IRAG1: variants seen among roughly 807,000 people sequenced by gnomAD.
IRAG1 encodes IP3R-associated cGMP kinase substrate.
A neutral mutation model predicts 106.2 loss-of-function variants in IRAG1; 62 were observed. The ratio of observed to expected loss-of-function variants is 0.58; its 90% CI spans 0.48 to 0.72. IRAG1 has a LOEUF of 0.72. Ranked by LOEUF, IRAG1 falls within the 30% of genes least tolerant of loss-of-function variation. IRAG1 has a pLI of 0.00. For synonymous variants in IRAG1, 462 were observed against 443.9 expected (o/e 1.04, Z -0.51); for missense variants, 1,064 against 1,140.7 (o/e 0.93, Z 0.97).
rs766752155 is a variant in IRAG1 at position 10,634,021 on chromosome 11, C to A, written c.276G>T (p.Leu92=). 31 of 1,612,628 alleles carry A rather than the reference C, an allele frequency of 1.9e-5. No homozygotes were observed. Among genetic ancestry groups the A allele is most frequent in the Non-Finnish European group, 2.5e-5 (30 of 1,179,296 alleles). ...CTTCTGGTGAAGTGGCATCCCCAGT[C>A]AGGACAATCGTGGGAGTTGGACTGC... ...VSCSPTPTIV[L]TGDATSPEGE... The change falls in exon 3 of 21, where the codon CTG becomes CTT. Residue 92 remains leucine (L), a synonymous_variant. Coordinates refer to ENST00000423302, the MANE Select transcript of IRAG1 (RefSeq NM_130385.4).
intron 2 of IRAG1, among the ~76,000 whole-genome samples, chr11:10,637,030 G>T (rs1857196870): frequency 6.6e-6 from 1 of 152,202 alleles, no homozygotes; most frequent in Non-Finnish European, 1.5e-5. Flanking sequence ...AATGAGTTTG[G>T]TCTTTATGGT....
chr11:10,611,071 A>G (rs1336451515), intron 10 of IRAG1, among the ~76,000 whole-genome samples: 1 of 152,188 alleles, frequency 6.6e-6, no homozygotes, highest in Non-Finnish European at 1.5e-5. Context: ...GACCATGAAG[A>G]GACAAGAGGC....
chr11:10,688,063 T>G (rs1861794808), intron 1 of IRAG1, among the ~76,000 whole-genome samples: 1 of 151,294 alleles, frequency 6.6e-6, no homozygotes. Flanking sequence ...GATGCTGAAC[T>G]GGGTAAATAT....
chr11:10,635,910 A>C lies in IRAG1; in HGVS notation c.226-1839T>G, dbSNP rs181716072. 7.6e-3 allele frequency among the ~76,000 whole-genome samples: 1,107 copies of C among 146,316 alleles called. 5 individuals carry two copies. Among genetic ancestry groups the C allele is most frequent in the African/African-American group, 0.029 (1,054 of 36,258 alleles). On this transcript the variant is annotated intron_variant, in intron 2 of 20. Transcript: ENST00000423302. ...GGCTCTGTGTTCTTATCCGGGAGCG[A>C]TTCAGTGCAGAAAGCTACAGTGGCT...
At chr11:10,618,896 C>T (rs1408888445) in intron 10 of IRAG1, among the ~76,000 whole-genome samples, 1 of 152,128 alleles carries the variant, frequency 6.6e-6, no homozygotes, top group African/African-American at 2.4e-5. Context: ...GATGCTGAAA[C>T]AGATTTGCCT....
chr11:10,645,746 G>A (rs1479860028), intron 2 of IRAG1, among the ~76,000 whole-genome samples: 1 of 152,190 alleles, frequency 6.6e-6, no homozygotes, highest in Non-Finnish European at 1.5e-5. Flanking sequence ...AAGTCAAGCT[G>A]CCTGGGTTTG....
At chr11:10,664,756 C>A (rs992570928) in intron 1 of IRAG1, among the ~76,000 whole-genome samples, 38 of 152,182 alleles carry the variant, frequency 2.5e-4, no homozygotes, top group African/African-American at 8.9e-4. Context: ...CATTACTGGG[C>A]ATCCTGGGAA....
intron 3 of IRAG1, among the ~76,000 whole-genome samples, chr11:10,633,518 G>A (rs1392670732): frequency 6.6e-6 from 1 of 152,178 alleles, no homozygotes; most frequent in East Asian, 1.9e-4. Flanking sequence ...TATTTCACAC[G>A]TTTTGGCCAG....
At chr11:10,658,863 C>G (rs1180406129) in intron 1 of IRAG1, among the ~76,000 whole-genome samples, 1 of 116,932 alleles carries the variant, frequency 8.6e-6, no homozygotes. Context: ...ATGTCTGTGC[C>G]GTGCTCAGTC....
intron 14 of IRAG1, among the ~76,000 whole-genome samples, chr11:10,602,738 A>G (rs1854138229): frequency 6.6e-6 from 1 of 152,168 alleles, no homozygotes; most frequent in Non-Finnish European, 1.5e-5. Flanking sequence ...ATTTTTTGAG[A>G]AAAATAAAAT....
intron 18 of IRAG1, among the ~76,000 whole-genome samples, chr11:10,583,559 G>A (rs1851607873): frequency 6.6e-6 from 1 of 152,152 alleles, no homozygotes; most frequent in African/African-American, 2.4e-5. Flanking sequence ...AAGAAGGGGA[G>A]GTTGGAAAGG....
chr11:10,685,774 T>G (rs1158427166), intron 1 of IRAG1, among the ~76,000 whole-genome samples: 1 of 151,808 alleles, frequency 6.6e-6, no homozygotes, highest in East Asian at 1.9e-4. Flanking sequence ...TGAGTTTGAT[T>G]ATTGTGAGTC....
In IRAG1 at chr11:10,626,025, T is replaced by C; in HGVS notation, c.1309A>G (p.Lys437Glu). 1 of 1,509,554 alleles carries C rather than the reference T, an allele frequency of 6.6e-7. No individual in the cohort carries two copies. Among genetic ancestry groups the C allele is most frequent in the Non-Finnish European group, 8.9e-7 (1 of 1,128,968 alleles). The allele number at this position is 1,509,554 out of a possible 1,614,324, so 93.5% of individuals were successfully genotyped here. A position where few individuals can be genotyped will look rare whatever the true frequency, so the allele number is the denominator to read the frequency against. The change falls in exon 9 of 21, where the codon AAA becomes GAA. Residue 437 changes from lysine (K) to glutamate (E), a missense_variant. Physicochemically the swap from Lys to Glu is moderately conservative, Grantham distance 56. Coordinates refer to ENST00000423302, the MANE Select transcript of IRAG1 (RefSeq NM_130385.4). ...GGCTGCACTTGTATCTGAAAGTCTT[T>C]GAGACCAGGGGCCTTGGCCAGCTTG... Reference protein sequence around the residue: ...GGKLAKAPGLKDFQIQVQPVR... With the variant: ...GGKLAKAPGLEDFQIQVQPVR...
chr11:10,620,913 T>C (rs1855788473), intron 10 of IRAG1, among the ~76,000 whole-genome samples: 1 of 152,128 alleles, frequency 6.6e-6, no homozygotes, highest in Admixed American at 6.5e-5. Flanking sequence ...GATAGGTCAA[T>C]ACAAGAGGAA....
At chr11:10,600,506 A>G (rs1036626976) in intron 15 of IRAG1, among the ~76,000 whole-genome samples, 3 of 152,208 alleles carry the variant, frequency 2.0e-5, no homozygotes, top group Admixed American at 6.5e-5. Flanking sequence ...CTTGATTAAA[A>G]TCATTGGCTG....
At chr11:10,609,588 G>T in intron 11 of IRAG1, 140 bp downstream of exon 11, 1 of 982,494 alleles carries the variant, frequency 1.0e-6, no homozygotes, top group Non-Finnish European at 1.5e-6. Flanking sequence ...TGTTTCGAAT[G>T]CATTATCCCT....
rs201978249 is a variant in IRAG1, at chr11:10,678,011, G to A, written c.67+15525C>T. On this transcript the variant is annotated intron_variant, in intron 1 of 20. Transcript: ENST00000423302. The stretch of plus-strand genomic sequence containing the variant: ...TCCATCATTATCTATCTCTCTATCT[G>A]TCTATCTATCTATCTATCTATCATC... Among the ~76,000 whole-genome samples, 133 of 142,174 alleles carry A rather than the reference G, an allele frequency of 9.4e-4. 1 individual carries two copies. The highest frequency in any genetic ancestry group is 3.0e-3 in the African/African-American group (123 of 40,578). 93.3% of individuals were successfully genotyped at this position (142,174 alleles called of 152,430 possible). A position where few individuals can be genotyped will look rare whatever the true frequency, so the allele number is the denominator to read the frequency against.
At chr11:10,650,727 G>T (rs972910742) in intron 2 of IRAG1, among the ~76,000 whole-genome samples, 2 of 152,184 alleles carry the variant, frequency 1.3e-5, no homozygotes, top group African/African-American at 4.8e-5. Context: ...TGGGGGCCTG[G>T]ACTTGATAAA....
At chr11:10,594,612 A>G (rs1451661677) in intron 15 of IRAG1, among the ~76,000 whole-genome samples, 1 of 152,192 alleles carries the variant, frequency 6.6e-6, no homozygotes, top group Non-Finnish European at 1.5e-5. Context: ...AAATAATGAA[A>G]ACTTGCTAAC....
Sources: allele counts gnomAD v4.1 joint callset (sites outside exome capture counted in the v4.1 genomes callset), GRCh38; gene constraint gnomAD v4.1.1; transcripts MANE v1.5; gene names NCBI Gene and HGNC (gene_info 2026-07-23, HGNC 2026-07-21).